The following KCNIP4 variants were observed in gnomAD, a reference collection of about 807,000 sequenced individuals.
KCNIP4 encodes the protein potassium voltage-gated channel interacting protein 4.
Under a neutral mutation model 34.0 loss-of-function variants are expected in KCNIP4, and 12 were observed. That is an observed-to-expected ratio of 0.35 (90% confidence interval 0.23 to 0.57). The LOEUF is 0.57. Among genes scored for constraint, KCNIP4 ranks in the 20% least tolerant of loss-of-function variants. The pLI is 0.83. For synonymous variants in KCNIP4, 124 were observed against 102.2 expected (o/e 1.21, Z -1.29); for missense variants, 238 against 311.7 (o/e 0.76, Z 1.78).
At chr4:21,116,494 C>T (rs1041182971) in intron 1 of KCNIP4, among the ~76,000 whole-genome samples, 1 of 152,228 alleles carries the variant, frequency 6.6e-6, no homozygotes, top group Non-Finnish European at 1.5e-5. Flanking sequence ...CTGCCACTAA[C>T]AGGTAAAGGC....
chr4:21,077,126 AAAAATAAAAT>A, intron 1 of KCNIP4, among the ~76,000 whole-genome samples: 1 of 152,200 alleles, frequency 6.6e-6, no homozygotes, highest in African/African-American at 2.4e-5. Flanking sequence ...ACTCTGTCTC[AAAAATAAAAT>A]AAAATAAATT....
At chr4:20,837,376 C>A (rs1373938553) in intron 3 of KCNIP4, among the ~76,000 whole-genome samples, 1 of 151,948 alleles carries the variant, frequency 6.6e-6, no homozygotes, top group Non-Finnish European at 1.5e-5. Flanking sequence ...AATAAAGATT[C>A]AAATGCCTGC....
At chr4:20,937,712 C>T (rs16870225) in intron 1 of KCNIP4, among the ~76,000 whole-genome samples, 8,193 of 152,152 alleles carry the variant, frequency 0.054, 490 homozygotes, top group African/African-American at 0.16. Context: ...TTCACATGGC[C>T]CAACTTTAAG....
rs568949896 is a variant in KCNIP4, at chr4:20,759,580, C to T, written c.289-690G>A. Among the ~76,000 whole-genome samples, 145 of 152,234 alleles carry T rather than the reference C, an allele frequency of 9.5e-4. 1 individual carries two copies. The highest frequency in any genetic ancestry group is 1.2e-3 in the Non-Finnish European group (82 of 68,028). Reference sequence around the variant, plus strand: ...TGGGAACTACACCCATGTTGGACAACTGACCTGGAGGGGCCACAGGGCAAG... The same window carrying T: ...TGGGAACTACACCCATGTTGGACAATTGACCTGGAGGGGCCACAGGGCAAG... On this transcript the variant is annotated intron_variant, in intron 3 of 8. Transcript: ENST00000382152.
intron 1 of KCNIP4, among the ~76,000 whole-genome samples, chr4:21,724,469 G>A (rs1715047658): frequency 6.6e-6 from 1 of 152,006 alleles, no homozygotes; most frequent in Non-Finnish European, 1.5e-5. Flanking sequence ...AGGAATGTAA[G>A]TGAGTTACAA....
chr4:20,838,752 G>C (rs1292132001), intron 3 of KCNIP4, among the ~76,000 whole-genome samples: 1 of 152,208 alleles, frequency 6.6e-6, no homozygotes, highest in Admixed American at 6.5e-5. Flanking sequence ...CTAGAGCAGA[G>C]CTGCCACATC....
chr4:21,437,351 A>C (rs1727034454), intron 1 of KCNIP4, among the ~76,000 whole-genome samples: 1 of 152,234 alleles, frequency 6.6e-6, no homozygotes, highest in African/African-American at 2.4e-5. Context: ...CTTTAAATAA[A>C]ATCTTTTCCA....
At chr4:21,350,717 G>A (rs1010919574) in intron 1 of KCNIP4, among the ~76,000 whole-genome samples, 1 of 152,100 alleles carries the variant, frequency 6.6e-6, no homozygotes, top group African/African-American at 2.4e-5. Flanking sequence ...TTTCTGCTCA[G>A]GCAACACCAC....
chr4:21,002,184 C>A (rs969776959), intron 1 of KCNIP4, among the ~76,000 whole-genome samples: 9 of 152,120 alleles, frequency 5.9e-5, no homozygotes, highest in African/African-American at 2.2e-4. Context: ...TTTTTCCCAC[C>A]ATTGAAGTAC....
intron 1 of KCNIP4, among the ~76,000 whole-genome samples, chr4:21,006,145 T>C (rs1185864084): frequency 6.6e-6 from 1 of 152,160 alleles, no homozygotes; most frequent in Non-Finnish European, 1.5e-5. Flanking sequence ...TAAGAGCAAA[T>C]CTTTGCTATG....
At chr4:21,054,778 A>G (rs1743262527) in intron 1 of KCNIP4, among the ~76,000 whole-genome samples, 1 of 151,754 alleles carries the variant, frequency 6.6e-6, no homozygotes, top group Non-Finnish European at 1.5e-5. Flanking sequence ...AAAGCAGATC[A>G]TATATCTAAA....
At chr4:21,638,289 T>C (rs1746368847) in intron 1 of KCNIP4, among the ~76,000 whole-genome samples, 1 of 152,114 alleles carries the variant, frequency 6.6e-6, no homozygotes. Context: ...AGTCAGACAA[T>C]TTAAAGGTAC....
intron 1 of KCNIP4, among the ~76,000 whole-genome samples, chr4:21,615,823 C>T (rs1305354635): frequency 6.6e-6 from 1 of 152,172 alleles, no homozygotes; most frequent in Non-Finnish European, 1.5e-5. Flanking sequence ...CTTGTTGATT[C>T]TATCTTGAGG....
intron 1 of KCNIP4, among the ~76,000 whole-genome samples, chr4:21,232,066 G>C (rs1758829164): frequency 6.6e-6 from 1 of 152,112 alleles, no homozygotes; most frequent in South Asian, 2.1e-4. Flanking sequence ...TTGACAGGCG[G>C]CCTTGATTCA....
chr4:21,001,586 A>G (rs948330695), intron 1 of KCNIP4, among the ~76,000 whole-genome samples: 48 of 152,144 alleles, frequency 3.2e-4, no homozygotes, highest in African/African-American at 1.1e-3. Flanking sequence ...AAGGGATGAA[A>G]ATGAAGAAAC....
chr4:20,921,211 T>C (rs1042000623), intron 1 of KCNIP4, among the ~76,000 whole-genome samples: 1 of 152,080 alleles, frequency 6.6e-6, no homozygotes, highest in African/African-American at 2.4e-5. Context: ...GGATTGGAGA[T>C]AGAGAATTCT....
chr4:21,838,292 C>T lies in KCNIP4; in HGVS notation c.61+110279G>A, dbSNP rs142439680. Among the ~76,000 whole-genome samples, 466 of 152,290 alleles carry T rather than the reference C, an allele frequency of 3.1e-3. 3 individuals are homozygous for T. The highest frequency in any genetic ancestry group is 0.011 in the African/African-American group (443 of 41,556). On this transcript the variant is annotated intron_variant, in intron 1 of 8. Coordinates refer to ENST00000382152, the MANE Select transcript of KCNIP4 (RefSeq NM_025221.6). ...AAGTCCGGAGGCCAGAGTGCCAGAA[C>T]TTCTGCCAAGCTAATTATTCTCATG...
At chr4:21,439,255 G>A (rs1727234533) in intron 1 of KCNIP4, among the ~76,000 whole-genome samples, 1 of 151,732 alleles carries the variant, frequency 6.6e-6, no homozygotes. Flanking sequence ...CTCCTATGAT[G>A]TGGGAATGTA....
intron 1 of KCNIP4, among the ~76,000 whole-genome samples, chr4:21,208,725 T>C (rs1488073478): frequency 6.6e-6 from 1 of 152,138 alleles, no homozygotes; most frequent in African/African-American, 2.4e-5. Context: ...TTTGTATTAG[T>C]CCATTTTCAT....
Sources: allele counts gnomAD v4.1 joint callset (sites outside exome capture counted in the v4.1 genomes callset), GRCh38; gene constraint gnomAD v4.1.1; transcripts MANE v1.5; gene names NCBI Gene and HGNC (gene_info 2026-07-23, HGNC 2026-07-21).